Variants in SMC5 observed in about 807,000 individuals in gnomAD.
SMC5 encodes structural maintenance of chromosomes protein 5.
In SMC5, 88 loss-of-function variants were observed where a neutral mutation model predicts 148.3. The ratio of observed to expected loss-of-function variants is 0.59; its 90% CI spans 0.50 to 0.71. The LOEUF (loss-of-function observed/expected upper bound fraction) is 0.71. Among genes scored for constraint, SMC5 ranks in the 30% least tolerant of loss-of-function variants. The probability of loss-of-function intolerance (pLI) is 0.00; values close to 1 mark genes in which losing one functional copy is unlikely to be tolerated. For missense variants in SMC5, 1,142 were observed against 1,298.9 expected (o/e 0.88, Z 1.86); for synonymous variants, 421 against 432.8 (o/e 0.97, Z 0.34).
chr9:70,335,326 A>C (rs1023003163), intron 17 of SMC5, among the ~76,000 whole-genome samples: 1 of 152,160 alleles, frequency 6.6e-6, no homozygotes, highest in African/African-American at 2.4e-5. Flanking sequence ...TGTTTCTACA[A>C]AAAGTTAAAA....
At chr9:70,311,101 A>T (rs2035644490) in intron 11 of SMC5, 2 of 152,216 alleles carry the variant, frequency 1.3e-5, no homozygotes, top group Admixed American at 1.3e-4. Flanking sequence ...AATTTCCTTC[A>T]AGAACTCTTC....
At chr9:70,288,842 CTT>C (rs898070360) in intron 8 of SMC5, among the ~76,000 whole-genome samples, 2 of 151,240 alleles carry the variant, frequency 1.3e-5, no homozygotes, top group African/African-American at 4.9e-5. Context: ...TTTTTTGAGA[CTT>C]TTTTTTGGCT....
At chr9:70,308,868 C>T (rs1183816053) in intron 11 of SMC5, among the ~76,000 whole-genome samples, 5 of 152,028 alleles carry the variant, frequency 3.3e-5, no homozygotes, top group East Asian at 3.9e-4. Context: ...TATCCTGTGA[C>T]ACTATTGAAT....
chr9:70,287,868 C>G (rs940719947), intron 8 of SMC5, among the ~76,000 whole-genome samples: 31 of 152,114 alleles, frequency 2.0e-4, no homozygotes, highest in African/African-American at 6.0e-4. Flanking sequence ...AAGGAATAAT[C>G]AGTTCTTCAC....
intron 1 of SMC5, among the ~76,000 whole-genome samples, chr9:70,260,086 A>T (rs2034063026): frequency 6.6e-6 from 1 of 152,022 alleles, no homozygotes; most frequent in African/African-American, 2.4e-5. Flanking sequence ...CTGGGACTAC[A>T]GGCGCGCGCC....
rs140568505 is a variant in SMC5 at position 70,285,802 on chromosome 9, A to G, written c.982-398A>G. Among the ~76,000 whole-genome samples, 599 of 152,340 alleles carry G rather than the reference A, an allele frequency of 3.9e-3. 4 individuals carry two copies. The highest frequency in any genetic ancestry group is 0.013 in the African/African-American group (555 of 41,578). The stretch of plus-strand genomic sequence containing the variant: ...AAGGAGGTAGCATACTTGGTATGAT[A>G]GAACTCTGCATTTGAAATCAGACCT... On this transcript the variant is annotated intron_variant, in intron 7 of 24. Coordinates refer to ENST00000361138, the MANE Select transcript of SMC5 (RefSeq NM_015110.4).
intron 17 of SMC5, among the ~76,000 whole-genome samples, chr9:70,338,273 A>G (rs1395449807): frequency 6.6e-6 from 1 of 152,180 alleles, no homozygotes; most frequent in African/African-American, 2.4e-5. Context: ...GGCCTCCCAA[A>G]GTACTGGGAT....
chr9:70,301,431 T>A (rs1362168831), intron 10 of SMC5, among the ~76,000 whole-genome samples: 2 of 152,214 alleles, frequency 1.3e-5, no homozygotes, highest in Non-Finnish European at 2.9e-5. Flanking sequence ...CCTTTCACCT[T>A]TCCTGCCACC....
intron 3 of SMC5, among the ~76,000 whole-genome samples, chr9:70,269,095 G>A (rs908718774): frequency 1.3e-5 from 2 of 151,984 alleles, no homozygotes; most frequent in African/African-American, 4.8e-5. Context: ...ATGAGGAAAC[G>A]TTCTTTTATA....
At chr9:70,265,051 G>A (rs967291849) in intron 2 of SMC5, among the ~76,000 whole-genome samples, 1 of 152,204 alleles carries the variant, frequency 6.6e-6, no homozygotes, top group African/African-American at 2.4e-5. Context: ...TGGTACACCT[G>A]CGTAGGGCAC....
chr9:70,267,069 A>C (rs2034310422), intron 2 of SMC5, among the ~76,000 whole-genome samples: 1 of 147,352 alleles, frequency 6.8e-6, no homozygotes, highest in Non-Finnish European at 1.5e-5. Flanking sequence ...TCTGGGACTC[A>C]GCTTTATTGT....
rs1157621468 is a variant in SMC5 at position 70,284,938 on chromosome 9, C to A, written c.982-1262C>A. On this transcript the variant is annotated intron_variant, in intron 7 of 24. Coordinates refer to ENST00000361138, the MANE Select transcript of SMC5 (RefSeq NM_015110.4). ...AGGTGATGAAGTGTTATGGACAGGG[C>A]ATAGCTTTTGAGACACACAGACCTG... Among the ~76,000 whole-genome samples, 3 of 151,704 alleles carry A rather than the reference C, an allele frequency of 2.0e-5. No homozygotes were observed. In the East Asian group the frequency reaches 5.8e-4, roughly 29 times the overall value.
At chr9:70,329,929 C>T (rs1009938756) in intron 17 of SMC5, among the ~76,000 whole-genome samples, 2 of 152,080 alleles carry the variant, frequency 1.3e-5, no homozygotes, top group African/African-American at 2.4e-5. Flanking sequence ...GAATCAGGCA[C>T]GTCTTACCAT....
At chr9:70,345,031 CA>C (rs2036630133) in intron 18 of SMC5, among the ~76,000 whole-genome samples, 1 of 151,952 alleles carries the variant, frequency 6.6e-6, no homozygotes, top group South Asian at 2.1e-4. Flanking sequence ...ACACAGAAAT[CA>C]CAGAGAATGG....
intron 3 of SMC5, among the ~76,000 whole-genome samples, chr9:70,274,861 G>A (rs920205403): frequency 1.3e-5 from 2 of 151,842 alleles, no homozygotes; most frequent in Non-Finnish European, 2.9e-5. Context: ...TAACTTCTCT[G>A]AACTTACATG....
intron 8 of SMC5, among the ~76,000 whole-genome samples, chr9:70,290,289 GA>G (rs1367142924): frequency 6.6e-6 from 1 of 152,086 alleles, no homozygotes; most frequent in African/African-American, 2.4e-5. Context: ...TTGTGTCTTT[GA>G]ATCTAAAATG....
rs768416265 is a variant in SMC5, at chr9:70,318,567, G to A, written c.1860G>A (p.Val620=). The A allele has an allele frequency of 1.2e-6, 2 of 1,611,840 alleles. No homozygotes were observed. The highest frequency in any genetic ancestry group is 1.7e-5 in the Admixed American group (1 of 59,820). ...TTTATACAGCAGAAGAAAAGTATGT[G>A]GTGAAAACTTCTTTTTATTCAAACA... ...KQIYTAEEKY[V]VKTSFYSNKV... is the part of the protein sequence containing the mutation. Residue 620 remains valine, a synonymous_variant, in exon 14 of 25, where the codon GTG becomes GTA. Transcript: ENST00000361138.
At chr9:70,339,036 G>C (rs1350862899) in intron 17 of SMC5, among the ~76,000 whole-genome samples, 3 of 152,074 alleles carry the variant, frequency 2.0e-5, no homozygotes, top group South Asian at 4.1e-4. Context: ...ATTGATAAAT[G>C]CTTTACCAGC....
chr9:70,349,423 G>T (rs971164493), intron 22 of SMC5, among the ~76,000 whole-genome samples: 6 of 152,086 alleles, frequency 3.9e-5, no homozygotes, highest in Admixed American at 2.6e-4. Context: ...ACATAGAAGT[G>T]CCATCAATAA....
Sources: gnomAD v4.1 joint callset for allele counts (sites outside exome capture counted in the v4.1 genomes callset) on GRCh38, gnomAD v4.1.1 for gene constraint, MANE v1.5 for transcripts, NCBI Gene and HGNC (gene_info 2026-07-23, HGNC 2026-07-21) for gene names.